Variants in YARS1 observed in about 807,000 individuals in gnomAD.
YARS1 encodes tyrosyl-tRNA synthetase 1, also known as tyrosine--tRNA ligase, cytoplasmic.
In YARS1, 36 loss-of-function variants were observed where a neutral mutation model predicts 62.2. The observed-to-expected ratio is 0.58, with a 90% confidence interval of 0.44 to 0.76. The LOEUF (loss-of-function observed/expected upper bound fraction) is 0.76. Among genes scored for constraint, YARS1 ranks in the 30% least tolerant of loss-of-function variants. The pLI, the probability that YARS1 is intolerant of heterozygous loss-of-function variation, is 0.00. For missense variants in YARS1, 524 were observed against 639.8 expected, an observed-to-expected ratio of 0.82 and a Z score of 1.95; for synonymous variants, 234 against 244.9, an observed-to-expected ratio of 0.96 and a Z score of 0.42.
intron 1 of YARS1, 67 bp downstream of exon 1, chr1:32,817,121 G>C: frequency 1.3e-6 from 2 of 1,598,064 alleles, no homozygotes; most frequent in Non-Finnish European, 8.6e-7. Context: ...CCCCGTAATG[G>C]GGCTCAAAAT....
intron 1 of YARS1, among the ~76,000 whole-genome samples, chr1:32,812,864 AGGC>A (rs1412043670): frequency 8.0e-5 from 12 of 149,612 alleles, no homozygotes; most frequent in African/African-American, 2.9e-4. Flanking sequence ...GCTACTCGGG[AGGC>A]TGAGGCAGGA....
chr1:32,788,821 C>G (rs991645696), intron 6 of YARS1, among the ~76,000 whole-genome samples: 1 of 152,180 alleles, frequency 6.6e-6, no homozygotes, highest in Non-Finnish European at 1.5e-5. Context: ...CCTGCCTCAG[C>G]TTCCCAAAGT....
intron 1 of YARS1, among the ~76,000 whole-genome samples, chr1:32,812,421 T>C (rs529964079): frequency 6.6e-6 from 1 of 152,348 alleles, no homozygotes; most frequent in East Asian, 1.9e-4. Context: ...CCAAACTGAT[T>C]CTGGTATAGC....
At chr1:32,790,622 G>C (rs1387067216) in intron 6 of YARS1, 1 of 152,612 alleles carries the variant, frequency 6.6e-6, no homozygotes, top group African/African-American at 2.5e-5. Context: ...CTATGGACAA[G>C]GTCTAATCAA....
At chr1:32,803,151 T>C (rs1638346692) in intron 4 of YARS1, among the ~76,000 whole-genome samples, 2 of 151,946 alleles carry the variant, frequency 1.3e-5, no homozygotes, top group Admixed American at 6.6e-5. Context: ...CCCGGCTAAT[T>C]AATATTTTTA....
chr1:32,781,439 C>A, intron 9 of YARS1: 1 of 412,874 alleles, frequency 2.4e-6, no homozygotes, highest in Non-Finnish European at 4.6e-6. Flanking sequence ...TGAGTCTTGG[C>A]CAGGTGTGGT....
chr1:32,809,416 T>A (rs550786478), intron 3 of YARS1, among the ~76,000 whole-genome samples: 9 of 152,068 alleles, frequency 5.9e-5, no homozygotes, highest in African/African-American at 2.2e-4. Context: ...TTTCTTTTTT[T>A]TTAGAGATGA....
At chr1:32,799,263 T>G (rs1013545771) in intron 4 of YARS1, among the ~76,000 whole-genome samples, 2 of 152,098 alleles carry the variant, frequency 1.3e-5, no homozygotes, top group African/African-American at 4.8e-5. Context: ...TAGTGACTGA[T>G]GAGGTTAGAA....
At chr1:32,782,573 T>C (rs995962152) in intron 8 of YARS1, 34 bp from the exon 9 acceptor site, 1 of 1,613,912 alleles carries the variant, frequency 6.2e-7, no homozygotes, top group Admixed American at 1.7e-5. Context: ...TGAGATAAAG[T>C]CTAGAACAGG....
chr1:32,804,721 C>T (rs966509849), intron 4 of YARS1, among the ~76,000 whole-genome samples: 198 of 151,462 alleles, frequency 1.3e-3, no homozygotes, highest in African/African-American at 4.5e-3. Context: ...TGATGGCGGC[C>T]GGGAAGATGC....
intron 3 of YARS1, among the ~76,000 whole-genome samples, chr1:32,808,306 G>A (rs995451272): frequency 2.7e-5 from 4 of 150,648 alleles, no homozygotes; most frequent in African/African-American, 9.8e-5. Context: ...CACAACCTCT[G>A]CCCCGTGGGT....
At chr1:32,795,115 C>T (rs1393308563) in intron 5 of YARS1, among the ~76,000 whole-genome samples, 1 of 151,118 alleles carries the variant, frequency 6.6e-6, no homozygotes, top group Non-Finnish European at 1.5e-5. Context: ...GTCAGGAGAC[C>T]GAGACCACCT....
At chr1:32,811,548 A>C in intron 1 of YARS1, 1 of 181,744 alleles carries the variant, frequency 5.5e-6, no homozygotes, top group Non-Finnish European at 1.2e-5. Context: ...TCCCGTAACC[A>C]TTTGTCTTTC....
rs918259652 is a variant in YARS1 at position 32,781,575 on chromosome 1, T to A, written c.1043-430A>T. On this transcript the variant is annotated intron_variant, in intron 9 of 12. Coordinates refer to ENST00000373477, the MANE Select transcript of YARS1 (RefSeq NM_003680.4). ...CTCTTTTAGAAAAAAAAAAAAAAAA[T>A]TTTACTGAGTTACTGAGTTTTTTTC... 2.0e-4 allele frequency: 34 copies of A among 170,468 alleles called. 1 individual carries two copies. The highest frequency in any genetic ancestry group is 1.2e-3 in the Admixed American group (21 of 17,328). The allele number at this position is 170,468 out of a possible 1,614,324, so 10.6% of individuals were successfully genotyped here.
At position 32,782,454 on chromosome 1, in the gene YARS1, G is replaced by C; in HGVS notation, c.992C>G (p.Pro331Arg). ...AGCGCTGGCCAGTTTTTTCAGGGCA[G>C]GGGTATTAAACTTTTCCCGGATTGG... is the stretch of plus-strand genomic sequence containing the variant. ...LDPIREKFNTPALKKLASAAY... is the reference protein window; with the variant it reads ...LDPIREKFNTRALKKLASAAY... The change falls in exon 9 of 13, where the codon CCT becomes CGT. Residue 331 changes from proline (P) to arginine (R), a missense_variant. Transcript: ENST00000373477. 6.2e-7 allele frequency: 1 copy of C among 1,614,102 alleles called. No individual in the cohort carries two copies. Among genetic ancestry groups the C allele is most frequent in the Non-Finnish European group, 8.5e-7 (1 of 1,180,034 alleles).
Position 32,786,428 on chromosome 1 carries a change from A to T in YARS1, c.840T>A (p.Asp280Glu). Residue 280 changes from aspartate to glutamate, a missense_variant, in exon 8 of 13, where the codon GAT becomes GAA. Physicochemically the swap from Asp to Glu is conservative, Grantham distance 45. Coordinates refer to ENST00000373477, the MANE Select transcript of YARS1 (RefSeq NM_003680.4). ...PLKSEFVILRDEKWGGNKTYT... is the reference protein window; with the variant it reads ...PLKSEFVILREEKWGGNKTYT... ...AGGTTTTGTTTCCACCCCATTTCTC[A>T]TCTCGTAGGATCACAAACTCTATAA... is the stretch of plus-strand genomic sequence containing the variant. 1.9e-6 allele frequency: 3 copies of T among 1,612,318 alleles called. No homozygotes were observed. Among genetic ancestry groups the T allele is most frequent in the Non-Finnish European group, 2.5e-6 (3 of 1,178,808 alleles).
intron 8 of YARS1, among the ~76,000 whole-genome samples, chr1:32,783,973 G>A (rs1653139463): frequency 6.6e-6 from 1 of 151,686 alleles, no homozygotes; most frequent in Non-Finnish European, 1.5e-5. Flanking sequence ...CCTTTTTTCT[G>A]AGGAATTTCA....
chr1:32,782,131 A>T (rs555867462), intron 9 of YARS1: 1 of 499,136 alleles, frequency 2.0e-6, no homozygotes, highest in African/African-American at 1.9e-5. Context: ...ATGAAGAGGC[A>T]GATTTAACAA....
chr1:32,802,108 C>T (rs1052697431), intron 4 of YARS1, among the ~76,000 whole-genome samples: 6 of 151,860 alleles, frequency 4.0e-5, no homozygotes, highest in East Asian at 1.9e-4. Flanking sequence ...CCACTACGCC[C>T]GGCTAATTTT....
Sources: gnomAD v4.1 joint callset for allele counts (sites outside exome capture counted in the v4.1 genomes callset) on GRCh38, gnomAD v4.1.1 for gene constraint, MANE v1.5 for transcripts, NCBI Gene and HGNC (gene_info 2026-07-23, HGNC 2026-07-21) for gene names.